Variants in ACTR10 observed in about 807,000 individuals in gnomAD.
ACTR10 encodes actin-related protein 10.
A neutral mutation model predicts 56.2 loss-of-function variants in ACTR10; 43 were observed. The observed-to-expected ratio is 0.77, with a 90% CI of 0.60 to 0.99. ACTR10 has a LOEUF of 0.99. ACTR10 is among the 50% of genes least tolerant of loss of function. The pLI is 0.00. For synonymous variants in ACTR10, 170 were observed against 176.3 expected, an observed-to-expected ratio of 0.96 and a Z score of 0.28; for missense variants, 466 against 507.8, an observed-to-expected ratio of 0.92 and a Z score of 0.79.
intron 10 of ACTR10, among the ~76,000 whole-genome samples, chr14:58,229,073 AAT>A (rs1470788667): frequency 6.6e-6 from 1 of 152,142 alleles, no homozygotes; most frequent in Non-Finnish European, 1.5e-5. Context: ...ATTGGCATAA[AAT>A]ATATGTCAGT....
intron 4 of ACTR10, 104 bp from the exon 5 acceptor site, chr14:58,211,188 T>C: frequency 1.2e-6 from 1 of 801,152 alleles, no homozygotes; most frequent in East Asian, 2.5e-5. Flanking sequence ...TAAATTAATA[T>C]AATGTTCCTG....
chr14:58,207,019 AAT>A, intron 2 of ACTR10: 1 of 123,358 alleles, frequency 8.1e-6, no homozygotes, highest in Non-Finnish European at 1.7e-5. Context: ...TTCAATGCTG[AAT>A]TTTTTTTTTT....
intron 7 of ACTR10, among the ~76,000 whole-genome samples, chr14:58,216,394 T>TG (rs1379546477): frequency 6.6e-6 from 1 of 152,180 alleles, no homozygotes; most frequent in Non-Finnish European, 1.5e-5. Flanking sequence ...CCTCCCAAAA[T>TG]GCTGGGATTA....
chr14:58,234,416 T>C lies in ACTR10; in HGVS notation c.1119T>C (p.Val373=), dbSNP rs1257866931. 7 of 1,611,060 alleles carry C rather than the reference T, an allele frequency of 4.3e-6. No homozygotes were observed. Among genetic ancestry groups the C allele is most frequent in the African/African-American group, 4.0e-5 (3 of 74,890 alleles). The change falls in exon 13 of 13, where the codon GTT becomes GTC. Residue 373 remains valine, a synonymous_variant. Coordinates refer to ENST00000254286, the MANE Select transcript of ACTR10 (RefSeq NM_018477.3). ...ALQDILGSRS[V]SKEYYNQTGR... is the part of the protein sequence containing the mutation. ...AAGATATACTTGGGAGCCGTTCTGT[T>C]TCAAAGGAATATTATAATCAGACGG... is the stretch of plus-strand genomic sequence containing the variant.
intron 7 of ACTR10, among the ~76,000 whole-genome samples, chr14:58,215,778 T>C (rs1013259528): frequency 6.6e-6 from 1 of 152,152 alleles, no homozygotes; most frequent in African/African-American, 2.4e-5. Flanking sequence ...TATTTCCAAC[T>C]GATTATTAGA....
chr14:58,214,800 T>C (rs991896486), intron 6 of ACTR10, among the ~76,000 whole-genome samples: 2 of 148,258 alleles, frequency 1.3e-5, no homozygotes, highest in Non-Finnish European at 3.0e-5. Flanking sequence ...AGGAAGATCA[T>C]TTTTATTTAA....
intron 7 of ACTR10, among the ~76,000 whole-genome samples, chr14:58,218,433 A>G (rs1002689495): frequency 2.6e-5 from 4 of 152,194 alleles, no homozygotes; most frequent in Admixed American, 6.5e-5. Flanking sequence ...TACACCATAT[A>G]TGTACTATTG....
intron 10 of ACTR10, 82 bp downstream of exon 10, chr14:58,223,938 T>C: frequency 9.7e-7 from 1 of 1,032,122 alleles, no homozygotes; most frequent in Non-Finnish European, 1.5e-6. Flanking sequence ...AGCCTTTATT[T>C]CACTATTGCC....
At chr14:58,223,947 C>A (rs1889341573) in intron 10 of ACTR10, 91 bp downstream of exon 10, 3 of 965,502 alleles carry the variant, frequency 3.1e-6, no homozygotes, top group Non-Finnish European at 4.7e-6. Flanking sequence ...TTCACTATTG[C>A]CATTTTAACA....
intron 10 of ACTR10, among the ~76,000 whole-genome samples, chr14:58,224,366 G>T (rs1348355665): frequency 6.6e-6 from 1 of 151,952 alleles, no homozygotes; most frequent in African/African-American, 2.4e-5. Flanking sequence ...AGGTAATTGA[G>T]AATTAGTTCT....
chr14:58,226,273 C>G (rs1185892800), intron 10 of ACTR10, among the ~76,000 whole-genome samples: 1 of 151,244 alleles, frequency 6.6e-6, no homozygotes, highest in Non-Finnish European at 1.5e-5. Flanking sequence ...CTCTTTTTTT[C>G]TCTTATTAAA....
At chr14:58,232,872 C>T (rs1325951294) in intron 12 of ACTR10, among the ~76,000 whole-genome samples, 4 of 136,348 alleles carry the variant, frequency 2.9e-5, no homozygotes, top group African/African-American at 8.2e-5. Context: ...TTCTTTCTTT[C>T]TTTTTTTTTT....
At chr14:58,211,208 T>C in intron 4 of ACTR10, 84 bp from the exon 5 acceptor site, 1 of 993,788 alleles carries the variant, frequency 1.0e-6, no homozygotes, top group Non-Finnish European at 1.6e-6. Flanking sequence ...GTGAATTTTT[T>C]CAAATATATT....
Position 58,213,723 on chromosome 14 carries a change from T to C in ACTR10, c.518+25T>C, listed in dbSNP as rs1436447732. ...AGTAAGTTTCTTGGAATTTAACATA[T>C]TCATTTCACCTGTGCCACAAAAACA... On this transcript the variant is annotated intron_variant, in intron 6 of 12. Transcript: ENST00000254286. 1.9e-6 allele frequency: 3 copies of C among 1,581,670 alleles called. No homozygotes were observed. The South Asian group carries it at 3.3e-5, about 18-fold the overall frequency.
chr14:58,230,691 G>A (rs957380212), intron 11 of ACTR10, among the ~76,000 whole-genome samples: 1 of 150,692 alleles, frequency 6.6e-6, no homozygotes, highest in African/African-American at 2.4e-5. Flanking sequence ...TAGTTCATGA[G>A]TTTTACTCTG....
At chr14:58,204,856 A>G (rs936628721) in intron 2 of ACTR10, among the ~76,000 whole-genome samples, 3 of 152,252 alleles carry the variant, frequency 2.0e-5, no homozygotes, top group South Asian at 2.1e-4. Context: ...CTTGCCTAAT[A>G]TTAACTAATA....
At chr14:58,222,992 GTCC>G (rs1353831355) in intron 8 of ACTR10, among the ~76,000 whole-genome samples, 3 of 152,028 alleles carry the variant, frequency 2.0e-5, no homozygotes, top group South Asian at 2.1e-4. Context: ...TTTTATTGTG[GTCC>G]TCCTTATACA....
chr14:58,229,550 C>T (rs1177181727), intron 10 of ACTR10, among the ~76,000 whole-genome samples: 1 of 151,898 alleles, frequency 6.6e-6, no homozygotes, highest in Non-Finnish European at 1.5e-5. Context: ...CGGTGGCGGG[C>T]ACCTGTAGTC....
chr14:58,200,176 C>T lies in ACTR10; in HGVS notation c.-42C>T, dbSNP rs775585156. On this transcript the variant is annotated 5_prime_UTR_variant, in exon 1 of 13. Coordinates refer to ENST00000254286, the MANE Select transcript of ACTR10 (RefSeq NM_018477.3). Reference sequence around the variant, plus strand: ...CCCGCGAGCGCCGAGACTTGTTGGCCGCGGAGACTGCGACCCTCTTCTCTC... The same window carrying T: ...CCCGCGAGCGCCGAGACTTGTTGGCTGCGGAGACTGCGACCCTCTTCTCTC... The T allele has an allele frequency of 2.8e-6, 4 of 1,440,204 alleles. No homozygotes were observed. The highest frequency in any genetic ancestry group is 2.2e-5 in the Admixed American group (1 of 45,098). 89.2% of individuals were successfully genotyped at this position (1,440,204 alleles called of 1,614,324 possible). A position where few individuals can be genotyped will look rare whatever the true frequency, so the allele number is the denominator to read the frequency against.
Sources: gnomAD v4.1 joint callset for allele counts (sites outside exome capture counted in the v4.1 genomes callset) on GRCh38, gnomAD v4.1.1 for gene constraint, MANE v1.5 for transcripts, NCBI Gene and HGNC (gene_info 2026-07-23, HGNC 2026-07-21) for gene names.